The following PMM1 variants were observed in gnomAD, a reference collection of about 807,000 sequenced individuals.
The protein encoded by PMM1 is phosphomannomutase 1.
Under a neutral mutation model 34.0 loss-of-function variants are expected in PMM1, and 25 were observed. That is an observed-to-expected ratio of 0.73 (90% CI 0.54 to 1.03). The LOEUF is 1.03. Among genes scored for constraint, PMM1 ranks in the 50% least tolerant of loss-of-function variants. PMM1 has a pLI of 0.00. For missense variants in PMM1, 321 were observed against 350.1 expected (o/e 0.92, Z 0.66); for synonymous variants, 134 against 143.9 (o/e 0.93, Z 0.49).
At chr22:41,579,173 C>T (rs986760396) in intron 5 of PMM1, 36 of 394,088 alleles carry the variant, frequency 9.1e-5, no homozygotes, top group Non-Finnish European at 5.8e-5. Flanking sequence ...GGCGAGGAGA[C>T]GGGGCAATCT....
At chr22:41,585,901 G>A (rs1456912823) in intron 2 of PMM1, among the ~76,000 whole-genome samples, 175 bp downstream of exon 2, 3 of 152,174 alleles carry the variant, frequency 2.0e-5, no homozygotes, top group Non-Finnish European at 4.4e-5. Context: ...TTTCTCAAGG[G>A]CCTGGCACAA....
chr22:41,588,421 A>G (rs995872642), intron 1 of PMM1, among the ~76,000 whole-genome samples: 1 of 152,210 alleles, frequency 6.6e-6, no homozygotes, highest in African/African-American at 2.4e-5. Flanking sequence ...GGGTTTCACG[A>G]TATTGGTCAG....
At chr22:41,583,618 TGGGG>T (rs1267102831) in intron 5 of PMM1, among the ~76,000 whole-genome samples, 1 of 151,922 alleles carries the variant, frequency 6.6e-6, no homozygotes, top group Non-Finnish European at 1.5e-5. Context: ...ATCTAGAAAG[TGGGG>T]TCTCAGTTCT....
At chr22:41,584,680 G>A in intron 2 of PMM1, 77 bp from the exon 3 acceptor site, 2 of 1,058,184 alleles carry the variant, frequency 1.9e-6, no homozygotes, top group Non-Finnish European at 2.9e-6. Context: ...AGTAAAGAGA[G>A]AGGAAGCCTA....
Position 41,589,798 on chromosome 22 carries a change from A to C in PMM1, c.8T>G (p.Val3Gly). 1 of 1,606,778 alleles carries C rather than the reference A, an allele frequency of 6.2e-7. No individual in the cohort carries two copies. The highest frequency in any genetic ancestry group is 8.5e-7 in the Non-Finnish European group (1 of 1,177,658). Reference sequence around the variant, plus strand: ...CTTCCTGCGGGCTGCCTGGGCGGTGACTGCCATGGCTGCAGGTCCGCGCGC... The same window carrying C: ...CTTCCTGCGGGCTGCCTGGGCGGTGCCTGCCATGGCTGCAGGTCCGCGCGC... Reference protein sequence around the residue: MAVTAQAARRKER... With the variant: MAGTAQAARRKER... Residue 3 changes from valine to glycine, a missense_variant, in exon 1 of 8, where the codon GTC (valine) becomes GGC (glycine). Val to Gly is a moderately radical substitution (Grantham distance 109). Coordinates refer to ENST00000216259, the MANE Select transcript of PMM1 (RefSeq NM_002676.3).
chr22:41,579,037 C>T, intron 5 of PMM1, 156 bp from the exon 6 acceptor site: 1 of 635,120 alleles, frequency 1.6e-6, no homozygotes, highest in African/African-American at 1.8e-5. Context: ...GGGGTTGTGC[C>T]TTGGTCAAGG....
chr22:41,584,816 C>G, intron 2 of PMM1: 1 of 538,142 alleles, frequency 1.9e-6, no homozygotes, highest in Non-Finnish European at 3.3e-6. Context: ...GGCCTCTGCA[C>G]ACAGGCATCC....
Position 41,586,083 on chromosome 22 carries a change from C to T in PMM1, c.198G>A (p.Gly66=), listed in dbSNP as rs1214769365. Residue 66 remains glycine (G), a synonymous_variant, in exon 2 of 8, where the codon GGG becomes GGA. Transcript: ENST00000216259. ...YCKIAEQLGD[G]DEVIEKFDYV... ...CCCCAGCCTCACTCCTACCTTCATC[C>T]CCGTCACCCAGCTGCTCAGCGATCT... 1.2e-6 allele frequency: 2 copies of T among 1,607,388 alleles called. No individual in the cohort carries two copies. Among genetic ancestry groups the T allele is most frequent in the Non-Finnish European group, 1.7e-6 (2 of 1,177,164 alleles).
chr22:41,581,119 A>G (rs1381242666), intron 5 of PMM1, among the ~76,000 whole-genome samples: 1 of 150,294 alleles, frequency 6.7e-6, no homozygotes, highest in African/African-American at 2.4e-5. Context: ...ATCTCAAAAA[A>G]AAAAAAAAAA....
intron 5 of PMM1, chr22:41,580,171 C>T (rs2067227585): frequency 6.6e-6 from 1 of 152,332 alleles, no homozygotes; most frequent in South Asian, 2.1e-4. Context: ...CAAGGCCAGC[C>T]TCAGCAGGGA....
At chr22:41,583,350 T>C (rs149198436) in intron 5 of PMM1, among the ~76,000 whole-genome samples, 2 of 152,058 alleles carry the variant, frequency 1.3e-5, no homozygotes, top group Admixed American at 1.3e-4. Flanking sequence ...GGTGTAGTGG[T>C]GCATGCCTGT....
At chr22:41,587,005 C>T (rs1362846031) in intron 1 of PMM1, among the ~76,000 whole-genome samples, 6 of 149,684 alleles carry the variant, frequency 4.0e-5, no homozygotes, top group South Asian at 2.1e-4. Flanking sequence ...CGGTGGCTCA[C>T]GCCTGTAATC....
At chr22:41,586,458 T>G in intron 1 of PMM1, 1 of 509,974 alleles carries the variant, frequency 2.0e-6, no homozygotes, top group Non-Finnish European at 3.2e-6. Flanking sequence ...ACATTGTCTC[T>G]ATGAAAAAAA....
At chr22:41,584,805 G>A in intron 2 of PMM1, 1 of 564,636 alleles carries the variant, frequency 1.8e-6, no homozygotes, top group South Asian at 2.3e-5. Context: ...TCACACCTGT[G>A]GGCCTCTGCA....
chr22:41,582,911 G>C (rs1307378984), intron 5 of PMM1, among the ~76,000 whole-genome samples: 1 of 152,196 alleles, frequency 6.6e-6, no homozygotes, highest in East Asian at 1.9e-4. Context: ...TCCCCGAGAG[G>C]GAGGGAGGCG....
Position 41,584,399 on chromosome 22 carries a change from C to T in PMM1, c.283-27G>A, listed in dbSNP as rs200990063. 1,720 of 1,607,836 alleles carry T rather than the reference C, an allele frequency of 1.1e-3. 1 individual carries two copies. The highest frequency in any genetic ancestry group is 1.1e-3 in the Non-Finnish European group (1,339 of 1,174,364). On this transcript the variant is annotated intron_variant, in intron 3 of 7. Coordinates refer to ENST00000216259, the MANE Select transcript of PMM1 (RefSeq NM_002676.3). ...TGGCCAAGGAACACAGGGCTCTGAG[C>T]GTGGCCTGGGCTGCCTGACCCTGAG...
Position 41,578,782 on chromosome 22 carries a change from A to T in PMM1, c.550+24T>A, listed in dbSNP as rs1193045634. 3.1e-6 allele frequency: 5 copies of T among 1,605,972 alleles called. No homozygotes were observed. In the East Asian group the frequency reaches 1.1e-4, roughly 36 times the overall value. ...GGAGGGGCCCTGTACCAGGCCTCCC[A>T]GGTCCTCTGCAGGGTGGACGTACCT... On this transcript the variant is annotated intron_variant, in intron 6 of 7. Transcript: ENST00000216259.
chr22:41,583,392 G>T (rs1316473843), intron 5 of PMM1, among the ~76,000 whole-genome samples: 2 of 152,224 alleles, frequency 1.3e-5, no homozygotes, highest in Admixed American at 6.5e-5. Flanking sequence ...TGAGGCAGGA[G>T]AATCGCTTGA....
rs540159870 is a variant in PMM1, at chr22:41,577,645, G to A, written c.666+163C>T. 4.4e-5 allele frequency: 33 copies of A among 755,540 alleles called. 1 individual carries two copies. The highest frequency in any genetic ancestry group is 3.5e-4 in the South Asian group (20 of 57,516). The allele number at this position is 755,540 out of a possible 1,614,324, so 46.8% of individuals were successfully genotyped here. A position where few individuals can be genotyped will look rare whatever the true frequency, so the allele number is the denominator to read the frequency against. ...GCCCCAGCTTTCCAATCTGTGTAAC[G>A]GGGCTGGTGAGCAATGGTTGTTCTC... On this transcript the variant is annotated intron_variant, in intron 7 of 7. Transcript: ENST00000216259.
Sources: gnomAD v4.1 joint callset for allele counts (sites outside exome capture counted in the v4.1 genomes callset) on GRCh38, gnomAD v4.1.1 for gene constraint, MANE v1.5 for transcripts, NCBI Gene and HGNC (gene_info 2026-07-23, HGNC 2026-07-21) for gene names.